Variants in PCDH11X observed in about 807,000 individuals in gnomAD.
PCDH11X encodes protocadherin-11 X-linked.
In PCDH11X, 18 loss-of-function variants were observed where a neutral mutation model predicts 53.3. That is an observed-to-expected ratio of 0.34 (90% CI 0.23 to 0.50). The LOEUF (loss-of-function observed/expected upper bound fraction) is 0.50, where lower values mean the gene tolerates loss of function less well. PCDH11X is among the 20% of genes least tolerant of loss of function. The pLI is 0.98. For missense variants in PCDH11X, 570 were observed against 1,032.4 expected, an observed-to-expected ratio of 0.55 and a Z score of 6.14; for synonymous variants, 279 against 393.3, an observed-to-expected ratio of 0.71 and a Z score of 3.44.
intron 9 of PCDH11X, among the ~76,000 whole-genome samples, chrX:92,388,707 G>T (rs1417331881): frequency 9.0e-6 from 1 of 110,764 alleles, no homozygotes; most frequent in Non-Finnish European, 1.9e-5. Context: ...GTACATAAAA[G>T]TATGTAGATA....
chrX:92,499,172 A>G (rs751296613), intron 10 of PCDH11X, among the ~76,000 whole-genome samples: 2 of 108,215 alleles, frequency 1.8e-5, no homozygotes, highest in Non-Finnish European at 3.8e-5. Flanking sequence ...AATAAACTGA[A>G]CAACTTTTTA....
chrX:92,190,414 A>T (rs1010420602), intron 6 of PCDH11X, among the ~76,000 whole-genome samples: 2 of 111,596 alleles, frequency 1.8e-5, no homozygotes, highest in African/African-American at 6.5e-5. Context: ...ATTCTGTTCC[A>T]TTGGTTTATG....
chrX:92,419,711 G>T (rs1296494684), intron 9 of PCDH11X, among the ~76,000 whole-genome samples: 1 of 66,436 alleles, frequency 1.5e-5, no homozygotes, highest in African/African-American at 6.5e-5. Context: ...GATGATTCTC[G>T]CTCTGTCGCC....
chrX:91,894,315 G>A (rs1196509696), intron 6 of PCDH11X, among the ~76,000 whole-genome samples: 4 of 111,765 alleles, frequency 3.6e-5, no homozygotes, highest in South Asian at 3.7e-4. Context: ...ACATACCTTG[G>A]TAATAGAGGG....
At chrX:92,616,899 T>G (rs1928029023) in intron 10 of PCDH11X, among the ~76,000 whole-genome samples, 1 of 111,302 alleles carries the variant, frequency 9.0e-6, no homozygotes, top group African/African-American at 3.3e-5. Flanking sequence ...TAATTAGATT[T>G]TCTTTATTTT....
chrX:92,563,003 C>T (rs1162070178), intron 10 of PCDH11X, among the ~76,000 whole-genome samples: 1 of 103,669 alleles, frequency 9.6e-6, no homozygotes, highest in African/African-American at 3.6e-5. Flanking sequence ...AAGTAGTTTC[C>T]AGATTTCAGG....
At chrX:92,230,344 G>T (rs6618927) in intron 7 of PCDH11X, among the ~76,000 whole-genome samples, 2,316 of 99,625 alleles carry the variant, frequency 0.023, 82 homozygotes, top group East Asian at 0.21. Context: ...CTGGAACTCA[G>T]ATTGTTTTCT....
At chrX:91,991,742 GA>G (rs2062329170) in intron 6 of PCDH11X, among the ~76,000 whole-genome samples, 1 of 107,878 alleles carries the variant, frequency 9.3e-6, no homozygotes, top group Admixed American at 9.9e-5. Context: ...TGATTCTTGT[GA>G]TTTATATGTT....
intron 6 of PCDH11X, among the ~76,000 whole-genome samples, chrX:92,182,817 C>T (rs1180558050): frequency 9.0e-6 from 1 of 111,273 alleles, no homozygotes; most frequent in African/African-American, 3.3e-5. Flanking sequence ...ATAAATTGCC[C>T]AGTCTCGGGT....
At chrX:91,939,376 G>A (rs745958641) in intron 6 of PCDH11X, among the ~76,000 whole-genome samples, 1 of 110,991 alleles carries the variant, frequency 9.0e-6, no homozygotes, top group East Asian at 2.9e-4. Flanking sequence ...CTTTATTTAT[G>A]TGGAACTAGA....
At chrX:92,077,501 C>T (rs1236646157) in intron 6 of PCDH11X, among the ~76,000 whole-genome samples, 1 of 109,569 alleles carries the variant, frequency 9.1e-6, no homozygotes, top group Non-Finnish European at 1.9e-5. Context: ...AATATATAAC[C>T]ATATAATACT....
intron 9 of PCDH11X, among the ~76,000 whole-genome samples, chrX:92,439,241 G>T (rs1400127660): frequency 1.8e-5 from 2 of 111,271 alleles, no homozygotes; most frequent in African/African-American, 6.5e-5. Flanking sequence ...ACCTCTGAAG[G>T]TAAGAACACC....
chrX:92,376,264 G>A (rs940928681), intron 8 of PCDH11X, among the ~76,000 whole-genome samples: 2 of 111,852 alleles, frequency 1.8e-5, no homozygotes, highest in Non-Finnish European at 3.8e-5. Flanking sequence ...CGTCTTTTAT[G>A]ACCAGTTTCC....
chrX:91,998,558 T>A (rs1232453633), intron 6 of PCDH11X, among the ~76,000 whole-genome samples: 4 of 111,232 alleles, frequency 3.6e-5, no homozygotes, highest in Non-Finnish European at 7.5e-5. Context: ...TCATCTTTAT[T>A]GTTTTTTTAT....
intron 4 of PCDH11X, among the ~76,000 whole-genome samples, chrX:91,821,732 G>C (rs1003657611): frequency 1.9e-5 from 2 of 103,522 alleles, no homozygotes; most frequent in Non-Finnish European, 3.8e-5. Flanking sequence ...TGGTGAGAGA[G>C]GGCATCCCTG....
chrX:92,290,325 C>T (rs2068465565), intron 8 of PCDH11X, among the ~76,000 whole-genome samples: 4 of 111,111 alleles, frequency 3.6e-5, no homozygotes, highest in Non-Finnish European at 3.8e-5. Context: ...CGGATTCACT[C>T]GGCAGTTAAA....
chrX:92,308,406 C>T (rs765680576), intron 8 of PCDH11X, among the ~76,000 whole-genome samples: 1 of 111,493 alleles, frequency 9.0e-6, no homozygotes, highest in African/African-American at 3.2e-5. Context: ...AGGGAAAAGA[C>T]AGTCTATTTA....
At chrX:91,792,769 C>T (rs1251313182) in intron 1 of PCDH11X, among the ~76,000 whole-genome samples, 1 of 111,567 alleles carries the variant, frequency 9.0e-6, no homozygotes, top group Non-Finnish European at 1.9e-5. Flanking sequence ...ACATGATATA[C>T]AGTATTTCCT....
intron 9 of PCDH11X, among the ~76,000 whole-genome samples, chrX:92,463,384 A>G (rs941772959): frequency 9.1e-6 from 1 of 109,961 alleles, no homozygotes; most frequent in African/African-American, 3.3e-5. Flanking sequence ...ATCTGTTGAT[A>G]CTCCCTGCAA....
Sources: gnomAD v4.1 joint callset for allele counts (sites outside exome capture counted in the v4.1 genomes callset) on GRCh38, gnomAD v4.1.1 for gene constraint, MANE v1.5 for transcripts, NCBI Gene and HGNC (gene_info 2026-07-23, HGNC 2026-07-21) for gene names.